The following WASF3 variants were observed in gnomAD, a reference collection of about 807,000 sequenced individuals.
WASF3 encodes WASP family member 3, also known as actin-binding protein WASF3.
In WASF3, 11 loss-of-function variants were observed where a neutral mutation model predicts 46.6. That is an observed-to-expected ratio of 0.24 (90% confidence interval 0.15 to 0.39). The LOEUF is 0.39. WASF3 is among the 10% of genes least tolerant of loss of function. The pLI, the probability that WASF3 is intolerant of heterozygous loss-of-function variation, is 1.00. For missense variants in WASF3, 576 were observed against 669.8 expected (o/e 0.86, Z 1.55); for synonymous variants, 242 against 259.7 (o/e 0.93, Z 0.65).
At chr13:26,613,677 C>T (rs1432152513) in intron 2 of WASF3, among the ~76,000 whole-genome samples, 3 of 151,952 alleles carry the variant, frequency 2.0e-5, no homozygotes, top group African/African-American at 2.4e-5. Flanking sequence ...GGCTGAGGCC[C>T]GAGAATGGTG....
rs535803322 is a variant in WASF3, at chr13:26,630,306, C to T, written c.-10-11955C>T. ...GTATTTCTCCTAATGCTGTCCTTCCCCCAGCCCCCCAACCCCCAACAGGCC... is the reference window on the plus strand; with the variant it reads ...GTATTTCTCCTAATGCTGTCCTTCCTCCAGCCCCCCAACCCCCAACAGGCC... On this transcript the variant is annotated intron_variant, in intron 2 of 9. Transcript: ENST00000335327. 2.0e-5 allele frequency among the ~76,000 whole-genome samples: 3 copies of T among 152,204 alleles called. No homozygotes were observed. The South Asian group carries it at 6.2e-4, about 32-fold the overall frequency.
intron 1 of WASF3, among the ~76,000 whole-genome samples, chr13:26,581,625 T>A (rs1006587190): frequency 1.3e-5 from 2 of 149,390 alleles, no homozygotes; most frequent in African/African-American, 2.5e-5. Context: ...GGTTCTGCTT[T>A]AAAAAAAAAA....
chr13:26,577,217 C>A, intron 1 of WASF3: 1 of 735,314 alleles, frequency 1.4e-6, no homozygotes, highest in East Asian at 2.5e-5. Context: ...AAATGTGTTC[C>A]ATGGTCAAAA....
At chr13:26,596,118 T>C (rs1382474450) in intron 1 of WASF3, among the ~76,000 whole-genome samples, 1 of 151,182 alleles carries the variant, frequency 6.6e-6, no homozygotes, top group Non-Finnish European at 1.5e-5. Context: ...GATCCTTTTT[T>C]TTTTTTTTTT....
intron 1 of WASF3, among the ~76,000 whole-genome samples, chr13:26,572,361 T>C (rs1206407596): frequency 6.6e-6 from 1 of 152,234 alleles, no homozygotes; most frequent in East Asian, 1.9e-4. Context: ...CTTACACTAA[T>C]TCATTCTTGT....
chr13:26,555,618 T>C (rs1879080928), upstream of WASF3, among the ~76,000 whole-genome samples: 1 of 152,132 alleles, frequency 6.6e-6, no homozygotes, highest in Non-Finnish European at 1.5e-5. Context: ...TTTTCCTCAA[T>C]GTGATGCAAT....
the WASF3 span, among the ~76,000 whole-genome samples, chr13:26,543,405 G>T: frequency 6.6e-6 from 1 of 152,118 alleles, no homozygotes; most frequent in African/African-American, 2.4e-5. Flanking sequence ...AAAGCTTTTA[G>T]CTTTCAATAT....
chr13:26,551,577 G>A, the WASF3 span, among the ~76,000 whole-genome samples: 19 of 152,180 alleles, frequency 1.2e-4, no homozygotes, highest in African/African-American at 1.9e-4. Context: ...TGAATTAACC[G>A]TGGCAATAAA....
chr13:26,567,935 A>G (rs1800319771), intron 1 of WASF3, among the ~76,000 whole-genome samples: 1 of 152,152 alleles, frequency 6.6e-6, no homozygotes, highest in Non-Finnish European at 1.5e-5. Context: ...GAGCAGAGAT[A>G]CAAACGAAAG....
intron 1 of WASF3, among the ~76,000 whole-genome samples, chr13:26,569,286 T>G (rs1197763093): frequency 2.6e-5 from 4 of 152,228 alleles, no homozygotes; most frequent in African/African-American, 9.6e-5. Context: ...CTGTTGTACC[T>G]AATGGCAGAA....
chr13:26,540,287 C>T, the WASF3 span, among the ~76,000 whole-genome samples: 5 of 152,164 alleles, frequency 3.3e-5, no homozygotes, highest in Non-Finnish European at 7.3e-5. Flanking sequence ...ACAGGATCTG[C>T]CCAGGAAGTA....
intron 1 of WASF3, among the ~76,000 whole-genome samples, chr13:26,575,314 C>T (rs1400067844): frequency 6.6e-6 from 1 of 152,040 alleles, no homozygotes; most frequent in Non-Finnish European, 1.5e-5. Flanking sequence ...CTTTTCAGGA[C>T]ATATACAGTT....
intron 2 of WASF3, among the ~76,000 whole-genome samples, chr13:26,617,908 C>T (rs948416701): frequency 2.0e-5 from 3 of 152,110 alleles, no homozygotes; most frequent in African/African-American, 7.2e-5. Flanking sequence ...GGTAGTTCCT[C>T]CTGCATTCAT....
At chr13:26,646,516 A>AC (rs1160214924) in intron 3 of WASF3, among the ~76,000 whole-genome samples, 1 of 151,440 alleles carries the variant, frequency 6.6e-6, no homozygotes, top group Non-Finnish European at 1.5e-5. Flanking sequence ...TTCACTGCTC[A>AC]CCCCCCACAC....
intron 1 of WASF3, among the ~76,000 whole-genome samples, chr13:26,573,165 C>T (rs951402615): frequency 2.0e-5 from 3 of 152,050 alleles, no homozygotes; most frequent in African/African-American, 7.2e-5. Context: ...TTTAGTTGGC[C>T]TAAGCTTTCT....
chr13:26,622,199 TAGAAGAG>T (rs886224458), intron 2 of WASF3, among the ~76,000 whole-genome samples: 8 of 152,266 alleles, frequency 5.3e-5, no homozygotes, highest in Admixed American at 3.3e-4. Flanking sequence ...TACCAGCACA[TAGAAGAG>T]AGAATCATTA....
intron 1 of WASF3, among the ~76,000 whole-genome samples, chr13:26,591,039 G>A (rs948895412): frequency 6.6e-6 from 1 of 151,908 alleles, no homozygotes; most frequent in Non-Finnish European, 1.5e-5. Context: ...AGGTGTAGGT[G>A]GGTGGGGCGG....
chr13:26,587,317 T>C (rs1186269261), intron 1 of WASF3, among the ~76,000 whole-genome samples: 2 of 150,684 alleles, frequency 1.3e-5, no homozygotes, highest in African/African-American at 4.9e-5. Context: ...TAAAAGGTGG[T>C]GTATCATCAA....
At chr13:26,548,582 G>GC in the WASF3 span, among the ~76,000 whole-genome samples, 363 of 152,276 alleles carry the variant, frequency 2.4e-3, no homozygotes, top group Non-Finnish European at 4.1e-3. Flanking sequence ...AGAGAGCTGA[G>GC]CCCAACCCAA....
Sources: allele counts gnomAD v4.1 joint callset (sites outside exome capture counted in the v4.1 genomes callset), GRCh38; gene constraint gnomAD v4.1.1; transcripts MANE v1.5; gene names NCBI Gene and HGNC (gene_info 2026-07-23, HGNC 2026-07-21).